Variants in LRRTM4 observed in about 807,000 individuals in gnomAD.
LRRTM4 encodes the protein leucine-rich repeat transmembrane neuronal protein 4.
A neutral mutation model predicts 47.6 loss-of-function variants in LRRTM4; 25 were observed. That is an observed-to-expected ratio of 0.53 (90% confidence interval 0.38 to 0.73). LRRTM4 has a LOEUF of 0.73. Among genes scored for constraint, LRRTM4 ranks in the 30% least tolerant of loss-of-function variants. LRRTM4 has a pLI of 0.00. For synonymous variants in LRRTM4, 311 were observed against 269.5 expected (o/e 1.15, Z -1.51); for missense variants, 638 against 713.4 (o/e 0.89, Z 1.20).
At chr2:77,484,506 A>G (rs901510364) in intron 3 of LRRTM4, among the ~76,000 whole-genome samples, 3 of 152,192 alleles carry the variant, frequency 2.0e-5, no homozygotes, top group Non-Finnish European at 2.9e-5. Flanking sequence ...TGTCTGTGGT[A>G]TGGGGACTTT....
chr2:76,935,300 T>C (rs1674907219), intron 3 of LRRTM4, among the ~76,000 whole-genome samples: 1 of 152,178 alleles, frequency 6.6e-6, no homozygotes, highest in South Asian at 2.1e-4. Context: ...CCTCCAGCTT[T>C]GTTATTTTTG....
chr2:76,927,708 T>C (rs1674632177), intron 3 of LRRTM4, among the ~76,000 whole-genome samples: 1 of 152,122 alleles, frequency 6.6e-6, no homozygotes, highest in Non-Finnish European at 1.5e-5. Flanking sequence ...GATTGTGTAT[T>C]ATGTCCTCAG....
At chr2:77,505,362 T>C (rs1678727531) in intron 3 of LRRTM4, among the ~76,000 whole-genome samples, 2 of 151,442 alleles carry the variant, frequency 1.3e-5, no homozygotes. Flanking sequence ...ATGATAATTG[T>C]GATAAATAAG....
intron 3 of LRRTM4, among the ~76,000 whole-genome samples, chr2:77,363,035 C>CA (rs1672300865): frequency 6.6e-6 from 1 of 151,872 alleles, no homozygotes; most frequent in African/African-American, 2.4e-5. Flanking sequence ...AACATTGAGG[C>CA]AAAAAGAAAA....
At chr2:76,771,313 G>T (rs1185308449) in intron 3 of LRRTM4, among the ~76,000 whole-genome samples, 1 of 152,182 alleles carries the variant, frequency 6.6e-6, no homozygotes, top group East Asian at 1.9e-4. Context: ...ACCTTAGAGG[G>T]TTTCGGTGAG....
chr2:77,217,443 AT>A (rs1674485945), intron 3 of LRRTM4, among the ~76,000 whole-genome samples: 8 of 89,266 alleles, frequency 9.0e-5, no homozygotes, highest in African/African-American at 3.2e-4. Flanking sequence ...CAAATGAAAT[AT>A]ATATATATAT....
At chr2:77,108,396 A>G (rs1414137085) in intron 3 of LRRTM4, among the ~76,000 whole-genome samples, 1 of 152,036 alleles carries the variant, frequency 6.6e-6, no homozygotes, top group Admixed American at 6.6e-5. Context: ...CAATTTTATG[A>G]TAATACAAAA....
At chr2:77,162,956 A>C (rs762888505) in intron 3 of LRRTM4, among the ~76,000 whole-genome samples, 3 of 152,208 alleles carry the variant, frequency 2.0e-5, no homozygotes, top group Admixed American at 6.5e-5. Context: ...GCAACAGAAC[A>C]AAGCTGGAAG....
chr2:76,808,520 A>G (rs1464072801), intron 3 of LRRTM4, among the ~76,000 whole-genome samples: 1 of 151,996 alleles, frequency 6.6e-6, no homozygotes. Context: ...CGAAAGAAAC[A>G]CAATCACAAT....
intron 3 of LRRTM4, among the ~76,000 whole-genome samples, chr2:77,049,122 T>TTTATATA (rs1553377413): frequency 1.6e-5 from 1 of 62,684 alleles, no homozygotes; most frequent in South Asian, 5.9e-4. Flanking sequence ...ATTTCATTTT[T>TTTATATA]TATATATATA....
intron 3 of LRRTM4, among the ~76,000 whole-genome samples, chr2:76,770,110 T>C (rs1673631238): frequency 6.6e-6 from 1 of 152,176 alleles, no homozygotes; most frequent in Non-Finnish European, 1.5e-5. Flanking sequence ...GTCAATTGAC[T>C]AGTTACCAAA....
At chr2:77,143,362 A>T (rs1005981776) in intron 3 of LRRTM4, among the ~76,000 whole-genome samples, 1 of 152,202 alleles carries the variant, frequency 6.6e-6, no homozygotes, top group African/African-American at 2.4e-5. Flanking sequence ...AGATAATTTC[A>T]TCTTAATTTG....
At chr2:76,974,141 CATAT>C (rs903329787) in intron 3 of LRRTM4, among the ~76,000 whole-genome samples, 6 of 82,380 alleles carry the variant, frequency 7.3e-5, no homozygotes, top group African/African-American at 1.8e-4. Context: ...CATATATATA[CATAT>C]ATATACATAC....
chr2:76,889,844 A>AGAGAGAGAGGT (rs1288809386), intron 3 of LRRTM4, among the ~76,000 whole-genome samples: 1 of 151,830 alleles, frequency 6.6e-6, no homozygotes, highest in Non-Finnish European at 1.5e-5. Context: ...AGAAAGAGGG[A>AGAGAGAGAGGT]GAGAGAGAGG....
At chr2:76,902,267 G>A (rs957874246) in intron 3 of LRRTM4, among the ~76,000 whole-genome samples, 2 of 151,936 alleles carry the variant, frequency 1.3e-5, no homozygotes, top group African/African-American at 4.8e-5. Context: ...GTTCCTACCT[G>A]CCACATTATA....
chr2:77,038,982 A>T (rs1341210349), intron 3 of LRRTM4, among the ~76,000 whole-genome samples: 1 of 151,366 alleles, frequency 6.6e-6, no homozygotes, highest in Non-Finnish European at 1.5e-5. Flanking sequence ...GCAATACTAA[A>T]GGTCCAGTAA....
chr2:76,944,986 C>T (rs1052122029), intron 3 of LRRTM4, among the ~76,000 whole-genome samples: 6 of 152,010 alleles, frequency 3.9e-5, no homozygotes, highest in Non-Finnish European at 1.5e-5. Context: ...TAAGAAACTA[C>T]ACAGTTTGAA....
chr2:77,346,387 T>A (rs1553432006), intron 3 of LRRTM4, among the ~76,000 whole-genome samples: 1 of 152,166 alleles, frequency 6.6e-6, no homozygotes, highest in Non-Finnish European at 1.5e-5. Context: ...CATCTCACTA[T>A]CAATTAAATA....
At chr2:77,521,443 G>A (rs375013508) in intron 2 of LRRTM4, among the ~76,000 whole-genome samples, 3 of 151,602 alleles carry the variant, frequency 2.0e-5, no homozygotes, top group Non-Finnish European at 2.9e-5. Context: ...TATTTCTCTA[G>A]AGTCTGTTTA....
Sources: allele counts gnomAD v4.1 joint callset (sites outside exome capture counted in the v4.1 genomes callset), GRCh38; gene constraint gnomAD v4.1.1; transcripts MANE v1.5; gene names NCBI Gene and HGNC (gene_info 2026-07-23, HGNC 2026-07-21).